The following MTMR7 variants were observed in gnomAD, a reference collection of about 807,000 sequenced individuals.
MTMR7 encodes the protein myotubularin related protein 7, also known as phosphatidylinositol-3-phosphate phosphatase MTMR7.
MTMR7 carries 76 observed loss-of-function variants against 81.2 expected under a neutral mutation model. That is an observed-to-expected ratio of 0.94 (90% confidence interval 0.78 to 1.13). The LOEUF is 1.13. Among genes scored for constraint, MTMR7 ranks in the 50% most tolerant of loss-of-function variants. The pLI is 0.00. For missense variants in MTMR7, 1,044 were observed against 820.0 expected (o/e 1.27, Z -3.34); for synonymous variants, 372 against 289.8 (o/e 1.28, Z -2.88).
Position 17,370,061 on chromosome 8 carries a change from G to A in MTMR7, c.310+976C>T, listed in dbSNP as rs566129567. Among the ~76,000 whole-genome samples the A allele has an allele frequency of 9.9e-5, 15 of 151,660 alleles. No individual in the cohort carries two copies. In the South Asian group the frequency reaches 2.3e-3, roughly 23 times the overall value. On this transcript the variant is annotated intron_variant, in intron 3 of 13. Coordinates refer to ENST00000180173, the MANE Select transcript of MTMR7 (RefSeq NM_004686.5). Reference sequence around the variant, plus strand: ...ATAAATCCGAAGAGCCCAAGATGACGGCTGGAACAAGATAGCAATGGCAAG... The same window carrying A: ...ATAAATCCGAAGAGCCCAAGATGACAGCTGGAACAAGATAGCAATGGCAAG...
At chr8:17,313,186 G>C in intron 8 of MTMR7, 106 bp downstream of exon 8, 2 of 757,244 alleles carry the variant, frequency 2.6e-6, no homozygotes, top group South Asian at 3.5e-5. Context: ...TATCCAGTCA[G>C]TGCAGTGCAG....
chr8:17,328,227 AT>A (rs1818793263), intron 7 of MTMR7, among the ~76,000 whole-genome samples: 1 of 129,038 alleles, frequency 7.7e-6, no homozygotes, highest in Non-Finnish European at 1.6e-5. Flanking sequence ...CAGGGCAGAT[AT>A]GAAGGGTGTC....
chr8:17,401,350 A>T (rs542040618), intron 1 of MTMR7, among the ~76,000 whole-genome samples: 2 of 152,230 alleles, frequency 1.3e-5, no homozygotes, highest in South Asian at 4.2e-4. Context: ...AAGGTGTTGA[A>T]AAAGGAGTGT....
Position 17,361,226 on chromosome 8 carries a change from T to G in MTMR7, c.359A>C (p.Lys120Thr), listed in dbSNP as rs1190981622. Residue 120 changes from lysine (K) to threonine (T), a missense_variant, in exon 4 of 14, where the codon AAA becomes ACA. Physicochemically the swap from Lys to Thr is moderately conservative, Grantham distance 78. Coordinates refer to ENST00000180173, the MANE Select transcript of MTMR7 (RefSeq NM_004686.5). ...CACCCAGCCTTGCTCTCTTTCTTCTTTATCCAGCATGGGGTTGAATGAAAA... is the reference window on the plus strand; with the variant it reads ...CACCCAGCCTTGCTCTCTTTCTTCTGTATCCAGCATGGGGTTGAATGAAAA... ...YCFSFNPMLDKEEREQGWVLI... is the reference protein window; with the variant it reads ...YCFSFNPMLDTEEREQGWVLI... 6.2e-7 allele frequency: 1 copy of G among 1,614,044 alleles called. No homozygotes were observed. Among genetic ancestry groups the G allele is most frequent in the Non-Finnish European group, 8.5e-7 (1 of 1,180,028 alleles).
intron 7 of MTMR7, among the ~76,000 whole-genome samples, chr8:17,326,046 A>G (rs1211803296): frequency 6.6e-6 from 1 of 152,216 alleles, no homozygotes; most frequent in Non-Finnish European, 1.5e-5. Flanking sequence ...ATTGCTTTAC[A>G]AATACAGAAA....
chr8:17,374,311 T>C (rs1322210612), intron 1 of MTMR7, among the ~76,000 whole-genome samples: 1 of 151,226 alleles, frequency 6.6e-6, no homozygotes, highest in Admixed American at 6.6e-5. Flanking sequence ...CGTGGTGAAA[T>C]CCCACGTCTC....
chr8:17,338,252 T>C (rs1438818006), intron 6 of MTMR7, among the ~76,000 whole-genome samples: 3 of 152,218 alleles, frequency 2.0e-5, no homozygotes, highest in Non-Finnish European at 2.9e-5. Context: ...CACTTAGCAC[T>C]AAATATACCC....
intron 7 of MTMR7, among the ~76,000 whole-genome samples, chr8:17,329,246 G>C (rs909568230): frequency 4.6e-5 from 7 of 152,172 alleles, no homozygotes; most frequent in Admixed American, 1.3e-4. Flanking sequence ...GGGTCTGATT[G>C]CAACACTTCA....
intron 13 of MTMR7, 120 bp downstream of exon 13, chr8:17,302,034 G>T: frequency 1.5e-6 from 2 of 1,342,988 alleles, no homozygotes; most frequent in Non-Finnish European, 1.0e-6. Flanking sequence ...TGTTTCAGGT[G>T]TTCTACTGAC....
At chr8:17,385,192 T>C (rs1179703673) in intron 1 of MTMR7, among the ~76,000 whole-genome samples, 11 of 152,162 alleles carry the variant, frequency 7.2e-5, no homozygotes, top group African/African-American at 2.4e-4. Flanking sequence ...TCACGTCAAA[T>C]TGTAACCCCC....
At chr8:17,402,498 C>A (rs192882617) in intron 1 of MTMR7, among the ~76,000 whole-genome samples, 3 of 152,090 alleles carry the variant, frequency 2.0e-5, no homozygotes, top group Admixed American at 6.6e-5. Flanking sequence ...CACAAATAAG[C>A]GAGAATATGT....
intron 1 of MTMR7, among the ~76,000 whole-genome samples, chr8:17,406,418 C>A (rs569377148): frequency 5.9e-5 from 9 of 152,190 alleles, no homozygotes; most frequent in African/African-American, 1.9e-4. Context: ...ATTAGAAAAA[C>A]ACAAATCAAA....
intron 12 of MTMR7, among the ~76,000 whole-genome samples, chr8:17,303,153 T>G (rs1001031121): frequency 1.5e-4 from 23 of 152,186 alleles, no homozygotes; most frequent in Admixed American, 4.6e-4. Context: ...GGTGTCATTG[T>G]TTTATCTGCA....
chr8:17,376,717 A>G (rs1452433641), intron 1 of MTMR7, among the ~76,000 whole-genome samples: 1 of 152,156 alleles, frequency 6.6e-6, no homozygotes, highest in African/African-American at 2.4e-5. Flanking sequence ...CCCATTTTTA[A>G]TGGAACACTT....
intron 1 of MTMR7, among the ~76,000 whole-genome samples, chr8:17,381,799 T>G (rs1208188457): frequency 2.0e-5 from 3 of 152,206 alleles, no homozygotes; most frequent in Admixed American, 6.5e-5. Context: ...GATAAATAGT[T>G]TGTTGTGCTA....
intron 1 of MTMR7, among the ~76,000 whole-genome samples, chr8:17,400,484 G>A (rs1821395331): frequency 6.6e-6 from 1 of 152,206 alleles, no homozygotes; most frequent in African/African-American, 2.4e-5. Flanking sequence ...TAGGATCCCA[G>A]CGGCCTTACA....
chr8:17,327,152 A>G (rs1307657463), intron 7 of MTMR7, among the ~76,000 whole-genome samples: 1 of 152,208 alleles, frequency 6.6e-6, no homozygotes, highest in Non-Finnish European at 1.5e-5. Flanking sequence ...CATGGATGCA[A>G]ACTTTTCTAT....
chr8:17,348,972 T>C lies in MTMR7; in HGVS notation c.578A>G (p.Tyr193Cys), dbSNP rs747199708. The C allele has an allele frequency of 6.2e-7, 1 of 1,613,362 alleles. No homozygotes were observed. The highest frequency in any genetic ancestry group is 1.3e-5 in the African/African-American group (1 of 74,628). Residue 193 changes from tyrosine (Y) to cysteine (C), a missense_variant, in exon 5 of 14, where the codon TAC becomes TGC. Tyr to Cys is a radical substitution (Grantham distance 194). Coordinates refer to ENST00000180173, the MANE Select transcript of MTMR7 (RefSeq NM_004686.5). ...RSRRRFPVLS[Y>C]YYKDNHASIC... ...ACTTACGTGGTTATCTTTATAATAGTAAGAAAGGACAGGAAATCGCCGTCT... is the reference window on the plus strand; with the variant it reads ...ACTTACGTGGTTATCTTTATAATAGCAAGAAAGGACAGGAAATCGCCGTCT...
chr8:17,324,745 G>A (rs1465639620), intron 7 of MTMR7, among the ~76,000 whole-genome samples: 10 of 152,166 alleles, frequency 6.6e-5, no homozygotes, highest in Admixed American at 6.5e-4. Flanking sequence ...ACTTTAATGG[G>A]AAAATGGGTT....
Sources: allele counts gnomAD v4.1 joint callset (sites outside exome capture counted in the v4.1 genomes callset), GRCh38; gene constraint gnomAD v4.1.1; transcripts MANE v1.5; gene names NCBI Gene and HGNC (gene_info 2026-07-23, HGNC 2026-07-21).